AAK1: variants seen among roughly 807,000 people sequenced by gnomAD.
AAK1 encodes AP2-associated protein kinase 1.
AAK1 carries 37 observed loss-of-function variants against 116.0 expected under a neutral mutation model. The observed-to-expected ratio is 0.32, with a 90% CI of 0.25 to 0.42. The LOEUF is 0.42. Among genes scored for constraint, AAK1 ranks in the 10% least tolerant of loss-of-function variants. The pLI is 1.00. For synonymous variants in AAK1, 458 were observed against 439.9 expected, an observed-to-expected ratio of 1.04 and a Z score of -0.51; for missense variants, 919 against 1,170.6, an observed-to-expected ratio of 0.79 and a Z score of 3.14.
intron 2 of AAK1, among the ~76,000 whole-genome samples, chr2:69,607,987 C>T (rs575333668): frequency 1.3e-5 from 2 of 152,292 alleles, no homozygotes; most frequent in Admixed American, 1.3e-4. Context: ...CAAAAATAGA[C>T]AAAAACATGC....
At chr2:69,640,435 C>A (rs985234075) in intron 2 of AAK1, among the ~76,000 whole-genome samples, 2 of 152,160 alleles carry the variant, frequency 1.3e-5, no homozygotes, top group Non-Finnish European at 2.9e-5. Flanking sequence ...AGAATTTGAA[C>A]CTAGATCTGT....
chr2:69,526,261 A>T (rs1006354577), intron 9 of AAK1, among the ~76,000 whole-genome samples: 21 of 152,150 alleles, frequency 1.4e-4, no homozygotes, highest in Admixed American at 3.9e-4. Flanking sequence ...CTTATTAGTA[A>T]TAAAGCCAAT....
At chr2:69,631,966 T>A (rs899331342) in intron 2 of AAK1, among the ~76,000 whole-genome samples, 2 of 151,932 alleles carry the variant, frequency 1.3e-5, no homozygotes, top group African/African-American at 4.8e-5. Flanking sequence ...AGACCCTGTC[T>A]CAAAAATAAA....
At chr2:69,630,043 AC>A (rs1409960853) in intron 2 of AAK1, among the ~76,000 whole-genome samples, 1 of 152,110 alleles carries the variant, frequency 6.6e-6, no homozygotes, top group Admixed American at 6.5e-5. Flanking sequence ...ACTGGAAAGA[AC>A]TAAATCCACG....
intron 8 of AAK1, among the ~76,000 whole-genome samples, chr2:69,528,940 T>TA (rs1255999983): frequency 7.5e-5 from 11 of 146,724 alleles, no homozygotes; most frequent in African/African-American, 2.4e-4. Flanking sequence ...CTTTATCTCT[T>TA]AAAACAATCC....
intron 17 of AAK1, among the ~76,000 whole-genome samples, chr2:69,494,679 C>T (rs1008268929): frequency 6.6e-6 from 1 of 152,138 alleles, no homozygotes; most frequent in Non-Finnish European, 1.5e-5. Context: ...CCAAGTACTG[C>T]CAGGCATACC....
At chr2:69,507,751 C>A (rs879812390) in intron 14 of AAK1, among the ~76,000 whole-genome samples, 173 bp from the exon 15 acceptor site, 27 of 150,424 alleles carry the variant, frequency 1.8e-4, no homozygotes, top group Non-Finnish European at 3.4e-4. Context: ...CTTTCACCCA[C>A]GTTGGAGCAC....
intron 7 of AAK1, 60 bp from the exon 8 acceptor site, chr2:69,530,200 T>A: frequency 1.3e-6 from 2 of 1,513,502 alleles, no homozygotes; most frequent in Non-Finnish European, 1.8e-6. Context: ...TCTAAATGGA[T>A]CTAATGAGAA....
chr2:69,524,863 CTT>C (rs144429716), intron 10 of AAK1, among the ~76,000 whole-genome samples, 168 bp downstream of exon 10: 3,155 of 152,300 alleles, frequency 0.021, 100 homozygotes, highest in African/African-American at 0.072. Flanking sequence ...CATGATATTC[CTT>C]TTTGCATTCC....
intron 2 of AAK1, among the ~76,000 whole-genome samples, chr2:69,562,595 TA>T (rs1452848043): frequency 6.6e-6 from 1 of 152,122 alleles, no homozygotes; most frequent in Non-Finnish European, 1.5e-5. Flanking sequence ...TTCAGACTTT[TA>T]AAAAACAAAG....
intron 19 of AAK1, among the ~76,000 whole-genome samples, chr2:69,479,365 T>C (rs1388956530): frequency 5.3e-5 from 8 of 152,162 alleles, no homozygotes; most frequent in Admixed American, 4.6e-4. Flanking sequence ...GAAACATGTC[T>C]TTCTAGATTC....
At chr2:69,625,461 A>G (rs79586686) in intron 2 of AAK1, among the ~76,000 whole-genome samples, 2,293 of 152,356 alleles carry the variant, frequency 0.015, 60 homozygotes, top group African/African-American at 0.051. Context: ...GTAACACTCT[A>G]ATAAAATGCA....
intron 5 of AAK1, among the ~76,000 whole-genome samples, chr2:69,540,632 G>A (rs1369180490): frequency 4.6e-5 from 7 of 152,194 alleles, no homozygotes; most frequent in Non-Finnish European, 1.0e-4. Context: ...TGGAGAAACT[G>A]GAACCTTCAC....
intron 2 of AAK1, among the ~76,000 whole-genome samples, chr2:69,620,148 G>A (rs1431047074): frequency 2.0e-5 from 3 of 152,180 alleles, no homozygotes; most frequent in Admixed American, 6.5e-5. Flanking sequence ...CAGCAACGAA[G>A]GCAGTAAGAA....
intron 16 of AAK1, among the ~76,000 whole-genome samples, chr2:69,499,270 TC>T (rs890344936): frequency 2.0e-5 from 3 of 152,170 alleles, no homozygotes; most frequent in African/African-American, 7.2e-5. Flanking sequence ...TCCTTGGACT[TC>T]CAACACTCCT....
intron 2 of AAK1, among the ~76,000 whole-genome samples, chr2:69,573,315 C>A (rs1672163015): frequency 6.6e-6 from 1 of 152,116 alleles, no homozygotes; most frequent in African/African-American, 2.4e-5. Flanking sequence ...CAGGACAGGG[C>A]ACCAGGACAA....
Position 69,594,899 on chromosome 2 carries a change from T to C in AAK1, c.164-37921A>G, listed in dbSNP as rs537681544. Reference sequence around the variant, plus strand: ...GTAGTTTTAGCCTTTTTCCAGAAAATCGGCTTAGTTTGCCCACTACAGCCA... The same window carrying C: ...GTAGTTTTAGCCTTTTTCCAGAAAACCGGCTTAGTTTGCCCACTACAGCCA... On this transcript the variant is annotated intron_variant, in intron 2 of 21. Coordinates refer to ENST00000409085, the MANE Select transcript of AAK1 (RefSeq NM_014911.5). The C allele has an allele frequency of 2.0e-6, 3 of 1,484,436 alleles. No individual in the cohort carries two copies. The East Asian group carries it at 6.8e-5, about 34-fold the overall frequency. The allele number at this position is 1,484,436 out of a possible 1,614,324, so 92.0% of individuals were successfully genotyped here.
chr2:69,597,946 G>A (rs1673372681), intron 2 of AAK1: 1 of 274,972 alleles, frequency 3.6e-6, no homozygotes, highest in Admixed American at 5.4e-5. Flanking sequence ...AAGCCAGACA[G>A]GCCATTGGAG....
At chr2:69,524,018 A>G (rs1271416236) in intron 10 of AAK1, among the ~76,000 whole-genome samples, 2 of 152,152 alleles carry the variant, frequency 1.3e-5, no homozygotes, top group African/African-American at 4.8e-5. Context: ...CCCAAATAAC[A>G]TCTTCGTTTA....
Sources: allele counts gnomAD v4.1 joint callset (sites outside exome capture counted in the v4.1 genomes callset), GRCh38; gene constraint gnomAD v4.1.1; transcripts MANE v1.5; gene names NCBI Gene and HGNC (gene_info 2026-07-23, HGNC 2026-07-21).